The following MAGI2 variants were observed in gnomAD, a reference collection of about 807,000 sequenced individuals.
The protein encoded by MAGI2 is membrane-associated guanylate kinase, WW and PDZ domain-containing protein 2.
In MAGI2, 35 loss-of-function variants were observed where a neutral mutation model predicts 133.3. The observed-to-expected ratio is 0.26, with a 90% CI of 0.20 to 0.35. The LOEUF is 0.35. MAGI2 is among the 10% of genes least tolerant of loss of function. The pLI is 1.00. For synonymous variants in MAGI2, 729 were observed against 710.6 expected, an observed-to-expected ratio of 1.03 and a Z score of -0.41; for missense variants, 1,636 against 1,863.4, an observed-to-expected ratio of 0.88 and a Z score of 2.25.
intron 21 of MAGI2, among the ~76,000 whole-genome samples, chr7:78,036,914 T>C (rs2428930): frequency 0.38 from 57,869 of 152,112 alleles, 11,338 homozygotes; most frequent in Non-Finnish European, 0.4. Flanking sequence ...ATGCTTGGCC[T>C]CTTTAGGTAA....
chr7:79,082,292 C>T (rs1816110416), intron 1 of MAGI2, among the ~76,000 whole-genome samples: 1 of 151,964 alleles, frequency 6.6e-6, no homozygotes, highest in South Asian at 2.1e-4. Flanking sequence ...AAAGCATTGC[C>T]TAATCCAAGG....
At chr7:78,335,853 G>A (rs867852489) in intron 9 of MAGI2, among the ~76,000 whole-genome samples, 1 of 152,142 alleles carries the variant, frequency 6.6e-6, no homozygotes, top group Non-Finnish European at 1.5e-5. Context: ...GTGAACAAAT[G>A]TACAAAGCCA....
intron 3 of MAGI2, among the ~76,000 whole-genome samples, chr7:78,566,615 G>A (rs951218490): frequency 2.0e-5 from 3 of 151,606 alleles, no homozygotes; most frequent in African/African-American, 7.3e-5. Flanking sequence ...CAGGAGAAAG[G>A]AGATGCTTAC....
At chr7:78,276,763 G>A (rs1795101621) in intron 9 of MAGI2, among the ~76,000 whole-genome samples, 7 of 152,048 alleles carry the variant, frequency 4.6e-5, no homozygotes, top group Admixed American at 4.6e-4. Context: ...TATTTAAAAT[G>A]TTAACCTGGT....
At chr7:78,980,596 A>G (rs1400524327) in intron 2 of MAGI2, among the ~76,000 whole-genome samples, 1 of 151,828 alleles carries the variant, frequency 6.6e-6, no homozygotes, top group Non-Finnish European at 1.5e-5. Flanking sequence ...GTTTAATTCC[A>G]TCTTATATTT....
chr7:78,424,817 C>T (rs571289118), intron 6 of MAGI2, among the ~76,000 whole-genome samples: 2 of 152,252 alleles, frequency 1.3e-5, no homozygotes, highest in South Asian at 4.1e-4. Context: ...TTTGGAATGG[C>T]TGAATTTACC....
intron 6 of MAGI2, among the ~76,000 whole-genome samples, chr7:78,413,339 A>T (rs1304052762): frequency 6.6e-6 from 1 of 152,060 alleles, no homozygotes; most frequent in Non-Finnish European, 1.5e-5. Flanking sequence ...TGGTGTCTGA[A>T]ATTATCCATA....
At chr7:78,813,578 G>A (rs1329942364) in intron 2 of MAGI2, among the ~76,000 whole-genome samples, 1 of 152,088 alleles carries the variant, frequency 6.6e-6, no homozygotes, top group Admixed American at 6.5e-5. Flanking sequence ...GAGGTCAGGA[G>A]ATCGAGACCA....
intron 1 of MAGI2, among the ~76,000 whole-genome samples, chr7:79,235,451 G>A (rs997498959): frequency 9.2e-5 from 14 of 152,160 alleles, no homozygotes; most frequent in Non-Finnish European, 1.9e-4. Flanking sequence ...GCGAGACTCC[G>A]TGGGCATAGG....
intron 16 of MAGI2, among the ~76,000 whole-genome samples, chr7:78,139,322 A>G (rs1479920574): frequency 6.6e-6 from 1 of 152,176 alleles, no homozygotes; most frequent in African/African-American, 2.4e-5. Context: ...CCTTTACTAG[A>G]GTTTTCCTTA....
intron 21 of MAGI2, among the ~76,000 whole-genome samples, chr7:78,036,636 TA>T (rs1023004670): frequency 2.6e-5 from 4 of 151,984 alleles, no homozygotes; most frequent in African/African-American, 9.7e-5. Context: ...GTTTTTTTTT[TA>T]AGACAGGGTC....
intron 9 of MAGI2, among the ~76,000 whole-genome samples, chr7:78,337,286 C>T (rs992171602): frequency 1.3e-5 from 2 of 152,210 alleles, no homozygotes; most frequent in African/African-American, 4.8e-5. Flanking sequence ...CCTTCTGGAA[C>T]ATCATAGGAT....
chr7:78,062,797 C>T (rs3807763), intron 21 of MAGI2, among the ~76,000 whole-genome samples: 42,826 of 152,048 alleles, frequency 0.28, 6,508 homozygotes, highest in East Asian at 0.47. Flanking sequence ...GTCTCTCAGG[C>T]CTCTGAAGCT....
intron 9 of MAGI2, among the ~76,000 whole-genome samples, chr7:78,306,758 T>G (rs1205055175): frequency 2.0e-5 from 3 of 152,166 alleles, no homozygotes; most frequent in Non-Finnish European, 4.4e-5. Context: ...CAATGGCCAT[T>G]TCTATCCTGA....
intron 3 of MAGI2, among the ~76,000 whole-genome samples, chr7:78,591,849 A>G (rs1230385417): frequency 2.0e-5 from 3 of 152,262 alleles, no homozygotes; most frequent in Non-Finnish European, 4.4e-5. Context: ...AGATAAGAAC[A>G]TAAGAATCAG....
intron 6 of MAGI2, among the ~76,000 whole-genome samples, chr7:78,451,256 T>C (rs754635833): frequency 1.8e-4 from 28 of 152,232 alleles, no homozygotes; most frequent in Middle Eastern, 3.4e-3. Flanking sequence ...ACTTCAGAAA[T>C]TTTTTGAGGT....
intron 1 of MAGI2, among the ~76,000 whole-genome samples, chr7:79,026,293 G>T (rs887376772): frequency 6.6e-6 from 1 of 152,178 alleles, no homozygotes; most frequent in East Asian, 1.9e-4. Context: ...GATATTTGAA[G>T]GATGCAGTCT....
chr7:79,287,890 C>T (rs1836143119), intron 1 of MAGI2, among the ~76,000 whole-genome samples: 1 of 94,192 alleles, frequency 1.1e-5, no homozygotes, highest in Non-Finnish European at 2.8e-5. Context: ...TTGTACAATG[C>T]AATTTTAATC....
intron 1 of MAGI2, among the ~76,000 whole-genome samples, chr7:79,114,628 C>G (rs1479604634): frequency 6.6e-6 from 1 of 152,176 alleles, no homozygotes. Flanking sequence ...TGTAAGCATG[C>G]TTGACTGTCA....
Sources: allele counts gnomAD v4.1 joint callset (sites outside exome capture counted in the v4.1 genomes callset), GRCh38; gene constraint gnomAD v4.1.1; transcripts MANE v1.5; gene names NCBI Gene and HGNC (gene_info 2026-07-23, HGNC 2026-07-21).